Variants in GTPBP6 observed in about 807,000 individuals in gnomAD.
GTPBP6 encodes the protein putative GTP-binding protein 6.
Under a neutral mutation model 28.9 loss-of-function variants are expected in GTPBP6, and 33 were observed. That is an observed-to-expected ratio of 1.14 (90% CI 0.87 to 1.53). The LOEUF (loss-of-function observed/expected upper bound fraction) is 1.53, where lower values mean the gene tolerates loss of function less well. Ranked by LOEUF, GTPBP6 falls within the 40% of genes most tolerant of loss-of-function variation. The probability of loss-of-function intolerance (pLI) is 0.00; values close to 1 mark genes in which losing one functional copy is unlikely to be tolerated. For synonymous variants in GTPBP6, 231 were observed against 192.7 expected, an observed-to-expected ratio of 1.20 and a Z score of -1.65; for missense variants, 507 against 408.3, an observed-to-expected ratio of 1.24 and a Z score of -2.08.
intron 9 of GTPBP6, among the ~76,000 whole-genome samples, 188 bp downstream of exon 9, chrX:307,172 G>A (rs113119784): frequency 1.1e-4 from 14 of 124,412 alleles, no homozygotes; most frequent in East Asian, 2.2e-4. Flanking sequence ...ACTCTCAAGC[G>A]CAGATTAGGC....
At chrX:304,900 C>A in exon 10 of GTPBP6, 1 of 1,445,728 alleles carries the variant, frequency 6.9e-7, no homozygotes. Flanking sequence ...GCAGGTGCGG[C>A]CGTGTCACCG....
intron 7 of GTPBP6, among the ~76,000 whole-genome samples, chrX:310,082 G>C (rs1215639784): frequency 6.2e-5 from 8 of 129,202 alleles, no homozygotes; most frequent in African/African-American, 2.5e-4. Context: ...GAAGGAACTG[G>C]ATCCAACTGA....
At chrX:311,754 C>G (rs1332155611) in intron 6 of GTPBP6, 127 bp from the exon 7 acceptor site, 4 of 768,236 alleles carry the variant, frequency 5.2e-6, no homozygotes, top group South Asian at 1.6e-5. Context: ...TACACGGTCC[C>G]TGAGCTCCTC....
rs1434354743 is a variant in GTPBP6, at chrX:317,291, C to T, written c.350-240G>A. ...GACCCTGCCTTACATGGAATTTGGG[C>T]TCCAGGCGGGCGCAGCAGGGAACCC... is the stretch of plus-strand genomic sequence containing the variant. On this transcript the variant is annotated intron_variant, in intron 1 of 9. Coordinates refer to ENST00000326153, the Ensembl canonical transcript of GTPBP6. Among the ~76,000 whole-genome samples the T allele has an allele frequency of 2.6e-5, 4 of 152,256 alleles. No homozygotes were observed. In the East Asian group the frequency reaches 7.7e-4, roughly 29 times the overall value.
chrX:307,794 C>T (rs2070203680), exon 8 of GTPBP6: 2 of 1,547,334 alleles, frequency 1.3e-6, no homozygotes, highest in East Asian at 2.3e-5. Flanking sequence ...GGGCGGGCAG[C>T]TGCAGGCCAC....
chrX:314,303 AGCTGG>A, intron 4 of GTPBP6, 86 bp from the exon 5 acceptor site: 1 of 1,133,888 alleles, frequency 8.8e-7, no homozygotes, highest in Non-Finnish European at 1.3e-6. Context: ...GGGGGCACTG[AGCTGG>A]GCCTCTGGGC....
exon 9 of GTPBP6, chrX:307,452 C>G (rs1473802503): frequency 6.2e-7 from 1 of 1,611,978 alleles, no homozygotes; most frequent in East Asian, 2.2e-5. Context: ...CTTTCAGCTC[C>G]TGGAGCCCGT....
At position 313,615 on chromosome X, in the gene GTPBP6, G is replaced by A. The variant is rs777545488; in HGVS notation, c.757+535C>T. On this transcript the variant is annotated intron_variant, in intron 5 of 9. Transcript: ENST00000326153. ...TAACTGAAGTATCTAGAGATGCGAC[G>A]ATTCTGGATTAGGGCGGGCCATAAA... 5.3e-5 allele frequency among the ~76,000 whole-genome samples: 8 copies of A among 152,264 alleles called. No homozygotes were observed. In the East Asian group the frequency reaches 5.8e-4, roughly 11 times the overall value.
rs774646850 is a variant in GTPBP6 at position 311,514 on chromosome X, T to TCA, written c.1028_1029dup (p.Thr344Ter). 6.2e-7 allele frequency: 1 copy of TCA among 1,612,176 alleles called. No homozygotes were observed. The highest frequency in any genetic ancestry group is 8.5e-7 in the Non-Finnish European group (1 of 1,179,488). On this transcript the variant is annotated frameshift_variant, in exon 7 of 10. Coordinates refer to ENST00000326153, the Ensembl canonical transcript of GTPBP6. LOFTEE classifies it high-confidence loss of function. Reference sequence around the variant, plus strand: ...CCGATGGTGTCCACGTACAGGACGGTCATGCGTGAGGGCAGCGTGCCCGCG... The same window carrying TCA: ...CCGATGGTGTCCACGTACAGGACGGTCACATGCGTGAGGGCAGCGTGCCCGCG...
intron 6 of GTPBP6, chrX:311,891 G>A (rs2070308680): frequency 3.3e-6 from 2 of 603,024 alleles, no homozygotes; most frequent in Non-Finnish European, 5.9e-6. Context: ...GTGAAGGCGT[G>A]GATGGGAGTG....
In GTPBP6 at chrX:314,464, G is replaced by A. The variant is rs754052808; in HGVS notation, c.690-247C>T. 7.1e-4 allele frequency among the ~76,000 whole-genome samples: 108 copies of A among 151,914 alleles called. 1 individual carries two copies. The highest frequency in any genetic ancestry group is 1.7e-3 in the South Asian group (8 of 4,820). On this transcript the variant is annotated intron_variant, in intron 4 of 9. Transcript: ENST00000326153. ...CGGGCCCCGGAGAGAGAGCCCACAC[G>A]GTGCTTTTCTTCTTTTTTTTTTTTT...
At position 312,307 on chromosome X, in the gene GTPBP6, G is replaced by A. The variant is rs768743426; in HGVS notation, c.916+459C>T. On this transcript the variant is annotated intron_variant, in intron 6 of 9. Transcript: ENST00000326153. ...GTGTACACGGGTGGATTATGTAGAC[G>A]GGGTGGTGGTATAGATGGGGTAGTG... 465 of 440,574 alleles carry A rather than the reference G, an allele frequency of 1.1e-3. 24 individuals carry two copies. The highest frequency in any genetic ancestry group is 3.0e-3 in the South Asian group (183 of 60,388). The allele number at this position is 440,574 out of a possible 1,614,324, so 27.3% of individuals were successfully genotyped here.
chrX:311,399 C>T lies in GTPBP6; in HGVS notation c.1125+20G>A. The T allele has an allele frequency of 6.3e-7, 1 of 1,588,874 alleles. No homozygotes were observed. Among genetic ancestry groups the T allele is most frequent in the Non-Finnish European group, 8.6e-7 (1 of 1,163,378 alleles). ...CGAATGGGTGTCCGAGCACCCGATC[C>T]CCGGCCGTCCCACGCTCACCGAGTG... On this transcript the variant is annotated intron_variant, in intron 7 of 9. Coordinates refer to ENST00000326153, the Ensembl canonical transcript of GTPBP6.
chrX:307,794 C>A, exon 8 of GTPBP6: 1 of 1,547,452 alleles, frequency 6.5e-7, no homozygotes, highest in East Asian at 2.3e-5. Flanking sequence ...GGGCGGGCAG[C>A]TGCAGGCCAC....
intron 9 of GTPBP6, 80 bp downstream of exon 9, chrX:307,280 C>A (rs1436142605): frequency 1.5e-6 from 2 of 1,335,616 alleles, no homozygotes; most frequent in Non-Finnish European, 2.1e-6. Flanking sequence ...GCTCCTTGTG[C>A]ACCCACGAAG....
chrX:310,073 A>G (rs1259591533), intron 7 of GTPBP6, among the ~76,000 whole-genome samples: 3 of 128,986 alleles, frequency 2.3e-5, no homozygotes, highest in Admixed American at 7.5e-5. Flanking sequence ...GAGCCTCCAG[A>G]AGGAACTGGA....
intron 6 of GTPBP6, chrX:312,554 G>A (rs1167366314): frequency 1.4e-6 from 1 of 703,266 alleles, no homozygotes; most frequent in Non-Finnish European, 2.6e-6. Context: ...ACCCCACACA[G>A]AGACCACAGG....
At chrX:306,603 G>A (rs2070171168) in intron 9 of GTPBP6, among the ~76,000 whole-genome samples, 1 of 149,804 alleles carries the variant, frequency 6.7e-6, no homozygotes, top group Non-Finnish European at 1.5e-5. Flanking sequence ...TTAGGCACCT[G>A]TTGTATGCAG....
At chrX:318,190 A>G (rs1467318502) in intron 1 of GTPBP6, among the ~76,000 whole-genome samples, 106,532 of 149,390 alleles carry the variant, frequency 0.71, 37,968 homozygotes, top group South Asian at 0.78. Context: ...CCGCCCTTGC[A>G]TCGCCAGCTA....
Sources: gnomAD v4.1 joint callset for allele counts (sites outside exome capture counted in the v4.1 genomes callset) on GRCh38, gnomAD v4.1.1 for gene constraint, MANE v1.5 for transcripts, NCBI Gene and HGNC (gene_info 2026-07-23, HGNC 2026-07-21) for gene names.